Variants in GNB4 observed in about 807,000 individuals in gnomAD.
GNB4 encodes the protein guanine nucleotide-binding protein subunit beta-4.
GNB4 carries 28 observed loss-of-function variants against 45.2 expected under a neutral mutation model. The observed-to-expected ratio is 0.62, with a 90% CI of 0.46 to 0.85. The LOEUF (loss-of-function observed/expected upper bound fraction) is 0.85. Ranked by LOEUF, GNB4 falls within the 40% of genes least tolerant of loss-of-function variation. The pLI is 0.00. For synonymous variants in GNB4, 132 were observed against 143.7 expected, an observed-to-expected ratio of 0.92 and a Z score of 0.58; for missense variants, 321 against 425.4, an observed-to-expected ratio of 0.75 and a Z score of 2.16.
chr3:179,410,070 C>T (rs559295435), intron 8 of GNB4, among the ~76,000 whole-genome samples: 1 of 152,276 alleles, frequency 6.6e-6, no homozygotes, highest in African/African-American at 2.4e-5. Flanking sequence ...CACTCATTCT[C>T]TCTCCTGCTG....
At chr3:179,458,541 C>T in the GNB4 span, among the ~76,000 whole-genome samples, 1 of 152,144 alleles carries the variant, frequency 6.6e-6, no homozygotes, top group Non-Finnish European at 1.5e-5. Context: ...CCCTCTGTAT[C>T]CTTGGCATAT....
At chr3:179,435,653 C>A (rs1179021478) in intron 1 of GNB4, among the ~76,000 whole-genome samples, 2 of 152,172 alleles carry the variant, frequency 1.3e-5, no homozygotes, top group African/African-American at 4.8e-5. Context: ...ACACAGTGCT[C>A]TTATTTTGTT....
chr3:179,428,293 C>T (rs1715203116), intron 1 of GNB4, among the ~76,000 whole-genome samples: 1 of 80,976 alleles, frequency 1.2e-5, no homozygotes. Flanking sequence ...TCTGTTTATC[C>T]AAATTTTCCA....
rs1448582678 is a variant in GNB4 at position 179,416,566 on chromosome 3, C to T, written c.204-10G>A. ...AGCACTGACTAGCAGCCTAGAGGAA[C>T]AAACACAAAAATAATTTGACACTTA... On this transcript the variant is annotated splice_polypyrimidine_tract_variant and intron_variant, in intron 4 of 9. Transcript: ENST00000232564. 5 of 1,569,014 alleles carry T rather than the reference C, an allele frequency of 3.2e-6. No individual in the cohort carries two copies. Among genetic ancestry groups the T allele is most frequent in the Admixed American group, 3.7e-5 (2 of 53,496 alleles).
rs1263862941 is a variant in GNB4 at position 179,420,885 on chromosome 3, T to C, written c.96+4A>G. 3 of 1,575,452 alleles carry C rather than the reference T, an allele frequency of 1.9e-6. No homozygotes were observed. The highest frequency in any genetic ancestry group is 2.6e-6 in the Non-Finnish European group (3 of 1,150,150). On this transcript the variant is annotated splice_donor_region_variant and intron_variant, in intron 3 of 9. Transcript: ENST00000232564. ...AAATGAAATAAAGAAAAACAAAACT[T>C]TACCTGAACAAGCGTTGCATCATTA...
At chr3:179,416,379 C>A in intron 5 of GNB4, 114 bp downstream of exon 5, 3 of 641,732 alleles carry the variant, frequency 4.7e-6, no homozygotes, top group East Asian at 3.1e-5. Flanking sequence ...TTAAAATAAA[C>A]AATAAATTTA....
At chr3:179,491,381 G>A in the GNB4 span, among the ~76,000 whole-genome samples, 1 of 152,186 alleles carries the variant, frequency 6.6e-6, no homozygotes, top group African/African-American at 2.4e-5. Flanking sequence ...ATTATGGAAG[G>A]TGCTATGATA....
Position 179,405,285 on chromosome 3 carries a change from G to A in GNB4, c.821C>T (p.Thr274Ile). The change falls in exon 9 of 10, where the codon ACT becomes ATT. Residue 274 changes from threonine (T) to isoleucine (I), a missense_variant. Coordinates refer to ENST00000232564, the MANE Select transcript of GNB4 (RefSeq NM_021629.4). ...YSHDNIICGITSVAFSKSGRL... is the reference protein window; with the variant it reads ...YSHDNIICGIISVAFSKSGRL... ...CCCACTTTTTGAGAAGGCTACAGAA[G>A]TGATTCCACAGATGATATTGTCATG... The A allele has an allele frequency of 1.9e-6, 3 of 1,614,208 alleles. No individual in the cohort carries two copies. The highest frequency in any genetic ancestry group is 1.1e-5 in the South Asian group (1 of 91,088).
Position 179,398,333 on chromosome 3 carries a change from G to A in GNB4, c.*2880C>T, listed in dbSNP as rs1714183090. The A allele has an allele frequency of 1.3e-5, 2 of 151,786 alleles. No individual in the cohort carries two copies. The highest frequency in any genetic ancestry group is 6.6e-5 in the Admixed American group (1 of 15,246). 9.4% of individuals were successfully genotyped at this position (151,786 alleles called of 1,614,324 possible). ...AGTACGAGATCAGACTGGCCAAGAT[G>A]GTGAAACCCCATCTCTACTAAAAAT... On this transcript the variant is annotated 3_prime_UTR_variant, in exon 10 of 10. Transcript: ENST00000232564.
In GNB4 at chr3:179,426,169, G is replaced by T; in HGVS notation, c.32C>A (p.Ala11Glu). 6.2e-7 allele frequency: 1 copy of T among 1,603,798 alleles called. No homozygotes were observed. Among genetic ancestry groups the T allele is most frequent in the Non-Finnish European group, 8.5e-7 (1 of 1,177,708 alleles). MSELEQLRQE[A>E]EQLRNQIQDA... ...CTGAATCTGATTCCGCAGTTGTTCT[G>T]CTTCTTGCCTCAACTGTTCCAGTTC... Residue 11 changes from alanine (A) to glutamate (E), a missense_variant, in exon 2 of 10, where the codon GCA becomes GAA. By Grantham distance (107) the Ala-to-Glu change is moderately radical. Transcript: ENST00000232564.
the GNB4 span, among the ~76,000 whole-genome samples, chr3:179,506,105 G>A: frequency 6.6e-6 from 1 of 152,232 alleles, no homozygotes; most frequent in Admixed American, 6.5e-5. Flanking sequence ...CACTTTGGGA[G>A]GCCGAGGCAG....
the GNB4 span, among the ~76,000 whole-genome samples, chr3:179,487,637 C>T: frequency 6.6e-6 from 1 of 152,160 alleles, no homozygotes; most frequent in Non-Finnish European, 1.5e-5. Context: ...GTTAAACATG[C>T]ACTCCTATAC....
the GNB4 span, among the ~76,000 whole-genome samples, chr3:179,507,869 A>C: frequency 2.0e-5 from 3 of 152,220 alleles, no homozygotes; most frequent in South Asian, 6.2e-4. Flanking sequence ...CTTGTTCATC[A>C]TATGATTGGC....
chr3:179,472,681 C>A, the GNB4 span, among the ~76,000 whole-genome samples: 735 of 152,136 alleles, frequency 4.8e-3, 3 homozygotes, highest in Non-Finnish European at 7.0e-3. Flanking sequence ...GCTATTATTT[C>A]TATTACTAAA....
At chr3:179,432,232 CCAGA>C (rs1256249618) in intron 1 of GNB4, among the ~76,000 whole-genome samples, 1 of 152,152 alleles carries the variant, frequency 6.6e-6, no homozygotes, top group Non-Finnish European at 1.5e-5. Flanking sequence ...GATGCCTGTG[CCAGA>C]CAACCGCAAC....
chr3:179,514,031 G>A, the GNB4 span, among the ~76,000 whole-genome samples: 1 of 152,172 alleles, frequency 6.6e-6, no homozygotes, highest in Non-Finnish European at 1.5e-5. Flanking sequence ...TGCTGCAGAA[G>A]GATTACAGTG....
the GNB4 span, among the ~76,000 whole-genome samples, chr3:179,476,335 C>T: frequency 4.6e-5 from 7 of 152,238 alleles, no homozygotes; most frequent in African/African-American, 1.2e-4. Context: ...CTGGGCACAA[C>T]GGGGTTGAGG....
intron 9 of GNB4, among the ~76,000 whole-genome samples, chr3:179,403,817 A>G (rs1345425463): frequency 6.6e-6 from 1 of 151,818 alleles, no homozygotes; most frequent in Non-Finnish European, 1.5e-5. Flanking sequence ...AAATAAAATA[A>G]AATAAAGTTA....
chr3:179,451,523 C>T, upstream of GNB4: 1 of 150,598 alleles, frequency 6.6e-6, no homozygotes, highest in Non-Finnish European at 1.5e-5. Context: ...GGAGCCGGGG[C>T]GGGGACGTGG....
Sources: gnomAD v4.1 joint callset for allele counts (sites outside exome capture counted in the v4.1 genomes callset) on GRCh38, gnomAD v4.1.1 for gene constraint, MANE v1.5 for transcripts, NCBI Gene and HGNC (gene_info 2026-07-23, HGNC 2026-07-21) for gene names.